LRRC4C: variants seen among roughly 807,000 people sequenced by gnomAD.
LRRC4C encodes leucine rich repeat containing 4C.
LRRC4C carries 5 observed loss-of-function variants against 33.6 expected under a neutral mutation model. That is an observed-to-expected ratio of 0.15 (90% CI 0.08 to 0.31). The LOEUF (loss-of-function observed/expected upper bound fraction) is 0.31, where lower values mean the gene tolerates loss of function less well. LRRC4C is among the 10% of genes least tolerant of loss of function. The pLI is 1.00. For missense variants in LRRC4C, 560 were observed against 796.7 expected (o/e 0.70, Z 3.58); for synonymous variants, 329 against 302.0 (o/e 1.09, Z -0.93).
chr11:41,304,198 G>A (rs1189967234), intron 1 of LRRC4C, among the ~76,000 whole-genome samples: 142 of 100,524 alleles, frequency 1.4e-3, no homozygotes, highest in East Asian at 3.0e-3. Flanking sequence ...CGCCTGGCCA[G>A]CCGCCCCGTC....
intron 1 of LRRC4C, among the ~76,000 whole-genome samples, chr11:41,010,072 C>A (rs887329413): frequency 1.3e-5 from 2 of 152,048 alleles, no homozygotes; most frequent in African/African-American, 4.8e-5. Context: ...TCAGCAAACA[C>A]CAGAAGCTAG....
intron 1 of LRRC4C, among the ~76,000 whole-genome samples, chr11:41,159,299 AT>A (rs1466929537): frequency 3.1e-4 from 47 of 152,274 alleles, no homozygotes; most frequent in African/African-American, 1.1e-3. Flanking sequence ...TCTAAAAAAA[AT>A]AAATACATAA....
intron 3 of LRRC4C, among the ~76,000 whole-genome samples, chr11:40,492,359 A>G (rs1590903605): frequency 6.6e-6 from 1 of 152,164 alleles, no homozygotes; most frequent in Non-Finnish European, 1.5e-5. Flanking sequence ...ATTATGAAAG[A>G]CCATTTTGCT....
chr11:40,737,318 G>T (rs1947921801), intron 2 of LRRC4C, among the ~76,000 whole-genome samples: 1 of 152,150 alleles, frequency 6.6e-6, no homozygotes, highest in African/African-American at 2.4e-5. Flanking sequence ...ACAAGACAAG[G>T]ATGCCCTCTC....
chr11:40,990,889 T>C (rs1044321640), intron 1 of LRRC4C, among the ~76,000 whole-genome samples: 2 of 152,134 alleles, frequency 1.3e-5, no homozygotes, highest in African/African-American at 4.8e-5. Context: ...AAGTGCTTTT[T>C]TTTATACAAG....
chr11:41,438,032 C>T (rs1336340432), intron 1 of LRRC4C, among the ~76,000 whole-genome samples: 1 of 66,518 alleles, frequency 1.5e-5, no homozygotes, highest in African/African-American at 5.0e-5. Flanking sequence ...GAACAAAACT[C>T]CATCTCAAAT....
At chr11:40,509,666 A>G (rs1321206463) in intron 3 of LRRC4C, among the ~76,000 whole-genome samples, 1 of 152,058 alleles carries the variant, frequency 6.6e-6, no homozygotes, top group Non-Finnish European at 1.5e-5. Flanking sequence ...ATTTCTGTTA[A>G]TTTTGCGTAG....
chr11:40,304,259 G>T (rs1190696344), intron 4 of LRRC4C, among the ~76,000 whole-genome samples: 1 of 152,156 alleles, frequency 6.6e-6, no homozygotes, highest in Non-Finnish European at 1.5e-5. Context: ...TAAGCTTCAA[G>T]TCATAGGAGG....
chr11:40,980,289 G>T (rs1203849041), intron 1 of LRRC4C, among the ~76,000 whole-genome samples: 4 of 152,170 alleles, frequency 2.6e-5, no homozygotes, highest in Admixed American at 2.6e-4. Context: ...GTGCAAAGGA[G>T]AAATGTTCTC....
At chr11:41,059,020 C>T (rs191574510) in intron 1 of LRRC4C, among the ~76,000 whole-genome samples, 57 of 151,990 alleles carry the variant, frequency 3.8e-4, no homozygotes, top group African/African-American at 1.4e-3. Context: ...CATATGGACA[C>T]AAACTAGGGA....
intron 1 of LRRC4C, among the ~76,000 whole-genome samples, chr11:41,081,888 G>A (rs892803257): frequency 6.6e-6 from 1 of 152,096 alleles, no homozygotes; most frequent in Admixed American, 6.6e-5. Context: ...GCATAAAAAC[G>A]AGAGGGTTAT....
At chr11:40,695,517 A>G (rs949515983) in intron 2 of LRRC4C, among the ~76,000 whole-genome samples, 1 of 152,176 alleles carries the variant, frequency 6.6e-6, no homozygotes, top group Non-Finnish European at 1.5e-5. Flanking sequence ...ACAAATTACC[A>G]AAACATAGTA....
chr11:40,147,742 T>A (rs1857862898), intron 5 of LRRC4C, among the ~76,000 whole-genome samples: 1 of 152,168 alleles, frequency 6.6e-6, no homozygotes, highest in Non-Finnish European at 1.5e-5. Context: ...TTTCTTTTTC[T>A]TTTTATGTAA....
intron 1 of LRRC4C, among the ~76,000 whole-genome samples, chr11:41,034,639 G>A (rs2219672): frequency 2.3e-3 from 268 of 115,668 alleles, no homozygotes; most frequent in Middle Eastern, 5.0e-3. Context: ...ATATATATAT[G>A]AGGTGAGAGT....
chr11:41,120,096 G>A (rs753718398), intron 1 of LRRC4C, among the ~76,000 whole-genome samples: 2 of 152,050 alleles, frequency 1.3e-5, no homozygotes, highest in Non-Finnish European at 2.9e-5. Flanking sequence ...TTCTAGCAGA[G>A]ATCTGGCCTT....
intron 2 of LRRC4C, among the ~76,000 whole-genome samples, chr11:40,670,582 C>A (rs1265954714): frequency 1.3e-5 from 2 of 151,898 alleles, no homozygotes; most frequent in African/African-American, 4.8e-5. Context: ...GAAAACAAAA[C>A]AAAACAAAAT....
chr11:40,506,685 A>T (rs1955051858), intron 3 of LRRC4C, among the ~76,000 whole-genome samples: 1 of 152,160 alleles, frequency 6.6e-6, no homozygotes, highest in Non-Finnish European at 1.5e-5. Context: ...TAACATAAAA[A>T]TAGCCATAAA....
chr11:41,456,223 C>G (rs544647806), intron 1 of LRRC4C, among the ~76,000 whole-genome samples: 150 of 152,242 alleles, frequency 9.9e-4, no homozygotes, highest in Non-Finnish European at 1.8e-3. Context: ...AGCATCAGCT[C>G]AGCTCTTTGA....
At chr11:41,024,279 C>T (rs1043466198) in intron 1 of LRRC4C, among the ~76,000 whole-genome samples, 1 of 151,676 alleles carries the variant, frequency 6.6e-6, no homozygotes, top group African/African-American at 2.4e-5. Flanking sequence ...AGTAGCTACG[C>T]AGCTCAACTC....
Sources: gnomAD v4.1 joint callset for allele counts (sites outside exome capture counted in the v4.1 genomes callset) on GRCh38, gnomAD v4.1.1 for gene constraint, MANE v1.5 for transcripts, NCBI Gene and HGNC (gene_info 2026-07-23, HGNC 2026-07-21) for gene names.